MTX2: variants seen among roughly 807,000 people sequenced by gnomAD.
MTX2 encodes the protein metaxin 2.
Under a neutral mutation model 42.3 loss-of-function variants are expected in MTX2, and 35 were observed. That is an observed-to-expected ratio of 0.83 (90% CI 0.63 to 1.10). The LOEUF is 1.10. Among genes scored for constraint, MTX2 ranks in the 50% least tolerant of loss-of-function variants. The pLI, the probability that MTX2 is intolerant of heterozygous loss-of-function variation, is 0.00. For synonymous variants in MTX2, 119 were observed against 100.9 expected, an observed-to-expected ratio of 1.18 and a Z score of -1.08; for missense variants, 307 against 304.1, an observed-to-expected ratio of 1.01 and a Z score of -0.07.
intron 6 of MTX2, 132 bp downstream of exon 6, chr2:176,328,517 C>G: frequency 1.7e-6 from 1 of 587,414 alleles, no homozygotes; most frequent in East Asian, 3.0e-5. Flanking sequence ...AGTTGGCTAC[C>G]TAAATTATTT....
chr2:176,280,960 C>T (rs1197233780), intron 1 of MTX2, among the ~76,000 whole-genome samples: 1 of 152,184 alleles, frequency 6.6e-6, no homozygotes, highest in Non-Finnish European at 1.5e-5. Flanking sequence ...CATTTGGCAG[C>T]AAATGCTGGG....
chr2:176,296,199 C>T (rs867542154), intron 1 of MTX2, among the ~76,000 whole-genome samples: 25 of 152,106 alleles, frequency 1.6e-4, no homozygotes, highest in African/African-American at 6.0e-4. Context: ...CTAAAATTAT[C>T]TTTACTGGCA....
At chr2:176,329,180 A>G in intron 7 of MTX2, 121 bp from the exon 8 acceptor site, 2 of 1,213,254 alleles carry the variant, frequency 1.6e-6, no homozygotes, top group South Asian at 1.9e-5. Context: ...CAGGATGTGT[A>G]TTTTTTTCAG....
At chr2:176,311,860 G>A (rs1684318385) in intron 3 of MTX2, among the ~76,000 whole-genome samples, 1 of 152,166 alleles carries the variant, frequency 6.6e-6, no homozygotes, top group South Asian at 2.1e-4. Context: ...CGCTTCCTGG[G>A]TGAGGCAGTG....
At chr2:176,333,167 TAAATG>T (rs1280013002) in intron 9 of MTX2, among the ~76,000 whole-genome samples, 1 of 151,496 alleles carries the variant, frequency 6.6e-6, no homozygotes, top group Non-Finnish European at 1.5e-5. Flanking sequence ...TCTATAAAGA[TAAATG>T]CAATAATATA....
chr2:176,323,526 C>A, intron 4 of MTX2, 62 bp downstream of exon 4: 1 of 1,435,718 alleles, frequency 7.0e-7, no homozygotes, highest in South Asian at 1.2e-5. Flanking sequence ...TAGTGATAGT[C>A]CAGTTTGTAT....
intron 3 of MTX2, among the ~76,000 whole-genome samples, chr2:176,321,581 A>T (rs563782738): frequency 6.6e-6 from 1 of 152,132 alleles, no homozygotes; most frequent in Non-Finnish European, 1.5e-5. Context: ...TTGTTGCTCT[A>T]CCATTTCTAA....
At chr2:176,307,361 T>G (rs528498880) in intron 3 of MTX2, among the ~76,000 whole-genome samples, 1 of 152,330 alleles carries the variant, frequency 6.6e-6, no homozygotes, top group South Asian at 2.1e-4. Flanking sequence ...AGCTTTGTTC[T>G]TTTTGCTTAG....
In MTX2 at chr2:176,337,828, A is replaced by T; in HGVS notation, c.*164A>T. 2 of 512,646 alleles carry T rather than the reference A, an allele frequency of 3.9e-6. No individual in the cohort carries two copies. The highest frequency in any genetic ancestry group is 6.4e-6 in the Non-Finnish European group (2 of 313,416). 31.8% of individuals were successfully genotyped at this position (512,646 alleles called of 1,614,324 possible). ...GCTTTATATTGTTATTTGTGTATAC[A>T]TTAAAATAATTCTGAATTATTTAAT... On this transcript the variant is annotated 3_prime_UTR_variant, in exon 10 of 10. Transcript: ENST00000249442.
intron 6 of MTX2, 134 bp from the exon 7 acceptor site, chr2:176,328,740 G>A: frequency 1.4e-6 from 1 of 728,544 alleles, no homozygotes; most frequent in Non-Finnish European, 2.3e-6. Context: ...GTGGATAGCA[G>A]CTAAGAAAAA....
intron 1 of MTX2, among the ~76,000 whole-genome samples, chr2:176,295,176 T>C (rs1683830939): frequency 6.6e-6 from 1 of 152,168 alleles, no homozygotes. Flanking sequence ...TTTCAATATT[T>C]ATTCTTTGAA....
At chr2:176,277,739 A>G (rs1692981834) in intron 1 of MTX2, among the ~76,000 whole-genome samples, 1 of 151,894 alleles carries the variant, frequency 6.6e-6, no homozygotes, top group Non-Finnish European at 1.5e-5. Flanking sequence ...ATATTTTGTT[A>G]TTTTTACTCA....
At chr2:176,319,668 C>G (rs1247478371) in intron 3 of MTX2, among the ~76,000 whole-genome samples, 1 of 151,854 alleles carries the variant, frequency 6.6e-6, no homozygotes, top group Non-Finnish European at 1.5e-5. Context: ...CTCTGCCTCC[C>G]GGGTTCAAGT....
chr2:176,270,392 G>A, intron 1 of MTX2: 1 of 1,364,184 alleles, frequency 7.3e-7, no homozygotes, highest in Non-Finnish European at 9.8e-7. Context: ...TTTTGAGTCG[G>A]TGGACTGAAC....
intron 1 of MTX2, among the ~76,000 whole-genome samples, chr2:176,287,899 T>C (rs1393941845): frequency 1.3e-5 from 1 of 77,216 alleles, no homozygotes; most frequent in Non-Finnish European, 2.8e-5. Context: ...ACTGACTGCT[T>C]TTTTTTTTTT....
chr2:176,273,271 A>G (rs1692866676), intron 1 of MTX2, among the ~76,000 whole-genome samples: 1 of 152,232 alleles, frequency 6.6e-6, no homozygotes, highest in Admixed American at 6.5e-5. Flanking sequence ...TGAAGGGGAT[A>G]TTCAGACTAT....
chr2:176,296,614 C>A (rs1683892336), intron 1 of MTX2, among the ~76,000 whole-genome samples: 1 of 151,938 alleles, frequency 6.6e-6, no homozygotes. Flanking sequence ...GGCAAGGTAT[C>A]TTCCCCTCTT....
At chr2:176,277,677 C>T (rs1692980501) in intron 1 of MTX2, among the ~76,000 whole-genome samples, 1 of 152,102 alleles carries the variant, frequency 6.6e-6, no homozygotes. Flanking sequence ...GCTGGGATTA[C>T]AGGCGTGAGC....
At chr2:176,327,456 T>C (rs1684734874) in intron 5 of MTX2, among the ~76,000 whole-genome samples, 1 of 150,910 alleles carries the variant, frequency 6.6e-6, no homozygotes, top group Admixed American at 6.6e-5. Flanking sequence ...CCTTTTAAAA[T>C]CATAAATATG....
Sources: gnomAD v4.1 joint callset for allele counts (sites outside exome capture counted in the v4.1 genomes callset) on GRCh38, gnomAD v4.1.1 for gene constraint, MANE v1.5 for transcripts, NCBI Gene and HGNC (gene_info 2026-07-23, HGNC 2026-07-21) for gene names.